Variants in CTBS observed in about 807,000 individuals in gnomAD.
CTBS encodes the protein di-N-acetylchitobiase.
In CTBS, 35 loss-of-function variants were observed where a neutral mutation model predicts 44.3. The observed-to-expected ratio is 0.79, with a 90% confidence interval of 0.60 to 1.05. CTBS has a LOEUF of 1.05. Ranked by LOEUF, CTBS falls within the 50% of genes least tolerant of loss-of-function variation. CTBS has a pLI of 0.00. For missense variants in CTBS, 458 were observed against 475.3 expected (o/e 0.96, Z 0.34); for synonymous variants, 143 against 168.0 (o/e 0.85, Z 1.15).
intron 3 of CTBS, 54 bp from the exon 4 acceptor site, chr1:84,566,066 G>A (rs1004722677): frequency 2.1e-4 from 239 of 1,130,982 alleles, no homozygotes; most frequent in Middle Eastern, 1.4e-3. Flanking sequence ...TGCATATTAC[G>A]TCAGATTTTT....
At chr1:84,570,742 C>A (rs1647277755) in intron 1 of CTBS, 22 bp from the exon 2 acceptor site, 2 of 1,607,288 alleles carry the variant, frequency 1.2e-6, no homozygotes, top group African/African-American at 1.3e-5. Flanking sequence ...AAGATGAGCA[C>A]CATCATTTAA....
chr1:84,550,412 A>T lies in CTBS; in HGVS notation c.*4587T>A. On this transcript the variant is annotated 3_prime_UTR_variant, in exon 7 of 7. Coordinates refer to ENST00000370630, the MANE Select transcript of CTBS (RefSeq NM_004388.3). ...AATGTTTATATGTTATACTAAATAA[A>T]TATCTATCTATCCACACAGAATTAC... 7.6e-7 allele frequency: 1 copy of T among 1,309,074 alleles called. No individual in the cohort carries two copies. Among genetic ancestry groups the T allele is most frequent in the South Asian group, 1.6e-5 (1 of 62,468 alleles). The allele number at this position is 1,309,074 out of a possible 1,614,324, so 81.1% of individuals were successfully genotyped here.
rs1647246756 is a variant in CTBS, at chr1:84,569,943, A to G, written c.513T>C (p.Ile171=). The change falls in exon 3 of 7, where the codon ATT becomes ATC. Residue 171 remains isoleucine, a synonymous_variant. Transcript: ENST00000370630. ...KETTDSFHRE[I]EGSQVTFDVA... is the part of the protein sequence containing the mutation. ...AATGAGTTTTTACCTGTGATCCCTC[A>G]ATTTCACGATGGAAAGAGTCTGTAG... The G allele has an allele frequency of 6.2e-7, 1 of 1,609,942 alleles. No individual in the cohort carries two copies. The highest frequency in any genetic ancestry group is 2.2e-5 in the East Asian group (1 of 44,754).
intron 4 of CTBS, among the ~76,000 whole-genome samples, chr1:84,564,093 C>A (rs1423450800): frequency 6.6e-6 from 1 of 152,056 alleles, no homozygotes; most frequent in Non-Finnish European, 1.5e-5. Context: ...AAATCTAATT[C>A]TAGGAAGAAT....
In CTBS at chr1:84,565,826, T is replaced by C. The variant is rs1259372292; in HGVS notation, c.697+15A>G. On this transcript the variant is annotated intron_variant, in intron 4 of 6. Coordinates refer to ENST00000370630, the MANE Select transcript of CTBS (RefSeq NM_004388.3). Reference sequence around the variant, plus strand: ...TATTAATATTATTAATAAATGACCATGTTTAGAGTCTTACCAGTTAATGTC... The same window carrying C: ...TATTAATATTATTAATAAATGACCACGTTTAGAGTCTTACCAGTTAATGTC... The C allele has an allele frequency of 7.2e-7, 1 of 1,398,214 alleles. No homozygotes were observed. Among genetic ancestry groups the C allele is most frequent in the Admixed American group, 2.5e-5 (1 of 39,320 alleles). 86.6% of individuals were successfully genotyped at this position (1,398,214 alleles called of 1,614,324 possible).
chr1:84,556,501 G>A (rs951457758), intron 6 of CTBS, among the ~76,000 whole-genome samples: 31 of 151,802 alleles, frequency 2.0e-4, no homozygotes, highest in East Asian at 1.6e-3. Context: ...TCATGAGGTC[G>A]AGAGATCGAG....
chr1:84,563,538 G>GA (rs1684633513), intron 5 of CTBS, 120 bp from the exon 6 acceptor site: 1 of 747,618 alleles, frequency 1.3e-6, no homozygotes, highest in Non-Finnish European at 1.9e-6. Context: ...TGACTATACA[G>GA]AAAAAAGGTT....
At chr1:84,559,953 C>T (rs1264475405) in intron 6 of CTBS, among the ~76,000 whole-genome samples, 10 of 151,478 alleles carry the variant, frequency 6.6e-5, no homozygotes, top group Admixed American at 2.6e-4. Context: ...GGCATAGTGG[C>T]GGGCACCTGT....
At chr1:84,561,015 A>G (rs140801221) in intron 6 of CTBS, among the ~76,000 whole-genome samples, 1 of 152,238 alleles carries the variant, frequency 6.6e-6, no homozygotes, top group East Asian at 1.9e-4. Flanking sequence ...CCCATGGAAC[A>G]AGGAGTAATT....
chr1:84,563,895 G>T, intron 4 of CTBS, 63 bp from the exon 5 acceptor site: 1 of 1,518,486 alleles, frequency 6.6e-7, no homozygotes, highest in South Asian at 1.4e-5. Context: ...GTTCATACAA[G>T]CTATGCAACC....
chr1:84,565,407 A>C (rs917343328), intron 4 of CTBS, among the ~76,000 whole-genome samples: 1 of 152,194 alleles, frequency 6.6e-6, no homozygotes, highest in African/African-American at 2.4e-5. Flanking sequence ...CCTATTAATC[A>C]TGCAATGAAG....
rs185952377 is a variant in CTBS at position 84,570,092 on chromosome 1, A to C, written c.364T>G (p.Trp122Gly). 2.5e-5 allele frequency: 40 copies of C among 1,613,608 alleles called. No homozygotes were observed. In the East Asian group the frequency reaches 8.9e-4, roughly 36 times the overall value. ...DIIDPAFRAS[W>G]IAQKLNLAKT... ...GCCAAATTAAGTTTTTGAGCTATCC[A>C]GGATGCTCTGAAAGCAGGATCAATG... Residue 122 changes from tryptophan (W) to glycine (G), a missense_variant, in exon 3 of 7, where the codon TGG (tryptophan) becomes GGG (glycine). By Grantham distance (184) the Trp-to-Gly change is radical (BLOSUM62 -2). Transcript: ENST00000370630.
In CTBS at chr1:84,569,920, TGA is replaced by T. The variant is rs1293126852; in HGVS notation, c.525+9_525+10del. 1.2e-6 allele frequency: 2 copies of T among 1,602,970 alleles called. No individual in the cohort carries two copies. Among genetic ancestry groups the T allele is most frequent in the African/African-American group, 1.3e-5 (1 of 74,280 alleles). ...AAATATGAGGTTTCCAAAAAATAAA[TGA>T]GTTTTTACCTGTGATCCCTCAATTT... On this transcript the variant is annotated intron_variant, in intron 3 of 6. Coordinates refer to ENST00000370630, the MANE Select transcript of CTBS (RefSeq NM_004388.3).
intron 6 of CTBS, 75 bp from the exon 7 acceptor site, chr1:84,555,274 AG>A: frequency 8.7e-7 from 1 of 1,145,652 alleles, no homozygotes. Context: ...GAAAAATAAA[AG>A]AAGTATACAG....
intron 1 of CTBS, among the ~76,000 whole-genome samples, chr1:84,571,917 G>A (rs903939045): frequency 6.6e-6 from 1 of 152,128 alleles, no homozygotes; most frequent in Non-Finnish European, 1.5e-5. Flanking sequence ...CCCAAAGGTC[G>A]CTACACCTCA....
chr1:84,570,948 G>A (rs575591300), intron 1 of CTBS, among the ~76,000 whole-genome samples: 1 of 152,170 alleles, frequency 6.6e-6, no homozygotes, highest in Admixed American at 6.5e-5. Context: ...CCAAGGCCTG[G>A]AGGCAGAGAC....
At position 84,550,021 on chromosome 1, in the gene CTBS, GTCT is replaced by G. The variant is rs1432213055; in HGVS notation, c.*4975_*4977del. The stretch of plus-strand genomic sequence containing the variant: ...AACTTTTCTGGACAAAAACCAAAAA[GTCT>G]TCTTATTTTAAATAGGTTTTCTTGT... On this transcript the variant is annotated 3_prime_UTR_variant, in exon 7 of 7. Coordinates refer to ENST00000370630, the MANE Select transcript of CTBS (RefSeq NM_004388.3). The G allele has an allele frequency of 6.6e-6, 1 of 151,768 alleles. No individual in the cohort carries two copies. Among genetic ancestry groups the G allele is most frequent in the African/African-American group, 2.4e-5 (1 of 41,358 alleles). 9.4% of individuals were successfully genotyped at this position (151,768 alleles called of 1,614,324 possible).
At chr1:84,556,774 C>T (rs574078229) in intron 6 of CTBS, among the ~76,000 whole-genome samples, 4 of 151,314 alleles carry the variant, frequency 2.6e-5, no homozygotes, top group East Asian at 1.9e-4. Context: ...GAATACACTG[C>T]GGCATATTTA....
rs201918191 is a variant in CTBS at position 84,565,973 on chromosome 1, T to C, written c.565A>G (p.Arg189Gly). The C allele has an allele frequency of 8.2e-5, 130 of 1,587,514 alleles. No homozygotes were observed. Among genetic ancestry groups the C allele is most frequent in the Non-Finnish European group, 1.1e-4 (128 of 1,168,298 alleles). ...DVAWSPKNID[R>G]RCYNYTGIAD... is the part of the protein sequence containing the mutation. ...ATTCCAGTATAATTATAGCATCTTC[T>C]GTCTATGTTCTTTGGAGACCAAGCT... is the stretch of plus-strand genomic sequence containing the variant. Residue 189 changes from arginine to glycine, a missense_variant, in exon 4 of 7, where the codon AGA becomes GGA. Coordinates refer to ENST00000370630, the MANE Select transcript of CTBS (RefSeq NM_004388.3).
Sources: gnomAD v4.1 joint callset for allele counts (sites outside exome capture counted in the v4.1 genomes callset) on GRCh38, gnomAD v4.1.1 for gene constraint, MANE v1.5 for transcripts, NCBI Gene and HGNC (gene_info 2026-07-23, HGNC 2026-07-21) for gene names.